AHCY: variants seen among roughly 807,000 people sequenced by gnomAD.
AHCY encodes the protein adenosylhomocysteinase, also known as S-adenosyl-L-homocysteine hydrolase.
In AHCY, 24 loss-of-function variants were observed where a neutral mutation model predicts 45.4. The ratio of observed to expected loss-of-function variants is 0.53; its 90% CI spans 0.38 to 0.74. AHCY has a LOEUF of 0.74. Among genes scored for constraint, AHCY ranks in the 30% least tolerant of loss-of-function variants. The pLI is 0.00. For missense variants in AHCY, 449 were observed against 594.1 expected, an observed-to-expected ratio of 0.76 and a Z score of 2.54; for synonymous variants, 245 against 235.1, an observed-to-expected ratio of 1.04 and a Z score of -0.39.
chr20:34,300,599 AC>A (rs1395124813), intron 1 of AHCY, among the ~76,000 whole-genome samples: 2 of 152,172 alleles, frequency 1.3e-5, no homozygotes, highest in Non-Finnish European at 2.9e-5. Context: ...GCTGAAAAAA[AC>A]CTGGAAACAG....
At chr20:34,299,562 G>A (rs2036700082) in intron 1 of AHCY, among the ~76,000 whole-genome samples, 1 of 152,142 alleles carries the variant, frequency 6.6e-6, no homozygotes, top group Non-Finnish European at 1.5e-5. Flanking sequence ...CTACGGGGAT[G>A]ACTCCCACGT....
At chr20:34,252,841 C>G in the AHCY span, among the ~76,000 whole-genome samples, 1 of 152,290 alleles carries the variant, frequency 6.6e-6, no homozygotes, top group East Asian at 1.9e-4. Flanking sequence ...CATTGTGTCC[C>G]TGGTTAATCG....
chr20:34,259,068 G>A, the AHCY span, among the ~76,000 whole-genome samples: 1 of 150,842 alleles, frequency 6.6e-6, no homozygotes, highest in East Asian at 1.9e-4. Flanking sequence ...AAATTAGCCA[G>A]GTGTGTTTGC....
Position 34,280,942 on chromosome 20 carries a change from C to A in AHCY, c.*92G>T. 1.9e-5 allele frequency: 30 copies of A among 1,576,956 alleles called. No homozygotes were observed. The highest frequency in any genetic ancestry group is 2.4e-5 in the Non-Finnish European group (28 of 1,158,552). On this transcript the variant is annotated 3_prime_UTR_variant, in exon 10 of 10. Transcript: ENST00000217426. ...AGAGTCGATGGGGGACACTGACAAA[C>A]CAATCACAAAGTTGGTGCCATTAGC...
chr20:34,301,757 C>G (rs1396911502), intron 1 of AHCY: 8 of 957,792 alleles, frequency 8.4e-6, no homozygotes, highest in Non-Finnish European at 9.9e-6. Context: ...CTTCACATAA[C>G]CTTTCTGGGT....
At chr20:34,296,555 A>G (rs2036584221) in intron 1 of AHCY, among the ~76,000 whole-genome samples, 1 of 152,204 alleles carries the variant, frequency 6.6e-6, no homozygotes, top group African/African-American at 2.4e-5. Flanking sequence ...CTCAGGCAGG[A>G]AAGAAGGATA....
intron 3 of AHCY, 25 bp downstream of exon 3, chr20:34,294,056 C>T (rs375955292): frequency 1.2e-5 from 20 of 1,611,558 alleles, no homozygotes; most frequent in Non-Finnish European, 1.4e-5. Context: ...ACAAATTCCA[C>T]GTCTCAGAAG....
At chr20:34,289,720 C>T (rs555571788) in intron 8 of AHCY, among the ~76,000 whole-genome samples, 35 of 150,432 alleles carry the variant, frequency 2.3e-4, no homozygotes, top group Admixed American at 1.5e-3. Flanking sequence ...TCATGTGATC[C>T]GCCCGCCTCG....
At chr20:34,302,949 G>C in intron 1 of AHCY, 2 of 985,446 alleles carry the variant, frequency 2.0e-6, no homozygotes, top group South Asian at 9.4e-5. Flanking sequence ...GTCCCAGGCC[G>C]TGGCCAGGTG....
At chr20:34,269,299 A>C in the AHCY span, 4 of 1,174,766 alleles carry the variant, frequency 3.4e-6, no homozygotes, top group Non-Finnish European at 3.4e-6. Context: ...GACTTCAGGG[A>C]GACCTGGCTT....
At position 34,303,272 on chromosome 20, in the gene AHCY, C is replaced by T. The variant is rs779266634; in HGVS notation, c.-2G>A. ...TTTGTAGGGCAGTTTGTCAGACATG[C>T]TGGCGGCACTCGTGATGGAAACGGG... On this transcript the variant is annotated 5_prime_UTR_variant, in exon 1 of 10. Transcript: ENST00000217426. 6.2e-5 allele frequency: 96 copies of T among 1,551,640 alleles called. No homozygotes were observed. Among genetic ancestry groups the T allele is most frequent in the Admixed American group, 9.8e-5 (5 of 51,014 alleles).
the AHCY span, among the ~76,000 whole-genome samples, chr20:34,236,358 G>T: frequency 6.6e-6 from 1 of 152,084 alleles, no homozygotes; most frequent in South Asian, 2.1e-4. Context: ...TGGCCAACAT[G>T]GTGAAACCCT....
downstream of AHCY, among the ~76,000 whole-genome samples, chr20:34,279,814 TTA>T (rs560153806): frequency 1.1e-4 from 17 of 152,238 alleles, no homozygotes; most frequent in East Asian, 3.3e-3. Flanking sequence ...GAGTCCCCAC[TTA>T]GTGCACTTTT....
intron 9 of AHCY, chr20:34,281,688 T>G (rs986596206): frequency 9.9e-6 from 2 of 202,464 alleles, no homozygotes; most frequent in East Asian, 1.2e-4. Flanking sequence ...CTTTTTTTTG[T>G]GACAGAGTCT....
chr20:34,271,597 GCT>G, the AHCY span, among the ~76,000 whole-genome samples: 6 of 122,770 alleles, frequency 4.9e-5, no homozygotes, highest in Non-Finnish European at 9.8e-5. Context: ...ACGGAGTCTT[GCT>G]CTGTCACCCA....
At chr20:34,294,229 AGGGAGAGCTTCGGGTAGTG>A (rs1464687158) in intron 2 of AHCY, 73 bp from the exon 3 acceptor site, 3 of 1,391,042 alleles carry the variant, frequency 2.2e-6, no homozygotes, top group Non-Finnish European at 3.0e-6. Flanking sequence ...GGCGAGGAAA[AGGGAGAGCTTCGGGTAGTG>A]GGGAGAGGCT....
the AHCY span, among the ~76,000 whole-genome samples, chr20:34,252,648 C>G: frequency 6.6e-6 from 1 of 152,124 alleles, no homozygotes; most frequent in Admixed American, 6.5e-5. Flanking sequence ...ATCTCAACTG[C>G]AAAGAGGCCT....
chr20:34,307,903 C>T (rs137889436), upstream of AHCY, among the ~76,000 whole-genome samples: 348 of 152,052 alleles, frequency 2.3e-3, 1 homozygote, highest in African/African-American at 7.9e-3. Context: ...CACCTGGGTA[C>T]GAAGCACAGC....
chr20:34,232,093 G>T, the AHCY span, among the ~76,000 whole-genome samples: 1 of 152,162 alleles, frequency 6.6e-6, no homozygotes, highest in South Asian at 2.1e-4. Flanking sequence ...CCCAGATGAA[G>T]GTCTACACAT....
Sources: gnomAD v4.1 joint callset for allele counts (sites outside exome capture counted in the v4.1 genomes callset) on GRCh38, gnomAD v4.1.1 for gene constraint, MANE v1.5 for transcripts, NCBI Gene and HGNC (gene_info 2026-07-23, HGNC 2026-07-21) for gene names.